The following CYP7B1 variants were observed in gnomAD, a reference collection of about 807,000 sequenced individuals.
CYP7B1 encodes cytochrome P450 family 7 subfamily B member 1.
CYP7B1 carries 29 observed loss-of-function variants against 42.7 expected under a neutral mutation model. That is an observed-to-expected ratio of 0.68 (90% CI 0.51 to 0.93). The LOEUF (loss-of-function observed/expected upper bound fraction) is 0.93, where lower values mean the gene tolerates loss of function less well. Among genes scored for constraint, CYP7B1 ranks in the 40% least tolerant of loss-of-function variants. CYP7B1 has a pLI of 0.00. For missense variants in CYP7B1, 655 were observed against 600.5 expected (o/e 1.09, Z -0.95); for synonymous variants, 235 against 218.2 (o/e 1.08, Z -0.68).
chr8:64,649,025 A>T (rs1805996555), intron 1 of CYP7B1, among the ~76,000 whole-genome samples: 1 of 152,226 alleles, frequency 6.6e-6, no homozygotes, highest in Non-Finnish European at 1.5e-5. Flanking sequence ...CAACCATTTT[A>T]AGTGTACAGT....
chr8:64,762,208 TA>T (rs1230841663), intron 1 of CYP7B1, among the ~76,000 whole-genome samples: 1 of 152,182 alleles, frequency 6.6e-6, no homozygotes. Flanking sequence ...TTATGTTAGG[TA>T]AAATGATTAT....
chr8:64,675,120 C>A (rs1806425779), intron 1 of CYP7B1, among the ~76,000 whole-genome samples: 1 of 152,036 alleles, frequency 6.6e-6, no homozygotes, highest in South Asian at 2.1e-4. Flanking sequence ...ATACACTTGG[C>A]CCTCCTGATA....
chr8:64,765,895 C>A (rs1807965597), intron 1 of CYP7B1, among the ~76,000 whole-genome samples: 1 of 152,156 alleles, frequency 6.6e-6, no homozygotes, highest in Admixed American at 6.5e-5. Flanking sequence ...TATCAGATAA[C>A]CCTGATGGCT....
chr8:64,666,944 C>CA (rs1337590858), intron 1 of CYP7B1, among the ~76,000 whole-genome samples: 1 of 152,192 alleles, frequency 6.6e-6, no homozygotes, highest in Non-Finnish European at 1.5e-5. Context: ...AATGTCTTTA[C>CA]AACTCTACAG....
intron 1 of CYP7B1, among the ~76,000 whole-genome samples, chr8:64,716,191 G>T (rs1161768589): frequency 2.0e-5 from 3 of 152,004 alleles, no homozygotes; most frequent in Non-Finnish European, 4.4e-5. Context: ...TTTAGAAGTG[G>T]TTGCTTAAGT....
intron 1 of CYP7B1, among the ~76,000 whole-genome samples, chr8:64,740,910 T>A (rs1807558071): frequency 6.6e-6 from 1 of 152,058 alleles, no homozygotes; most frequent in South Asian, 2.1e-4. Flanking sequence ...AAATGGCAAA[T>A]TTTTTCAATC....
chr8:64,592,822 A>C lies in CYP7B1; in HGVS notation c.*3820T>G, dbSNP rs1030297381. On this transcript the variant is annotated 3_prime_UTR_variant, in exon 6 of 6. Transcript: ENST00000310193. ...GAAGCTCTGAGACGGAAATTGTTTAATAATAAGCCAGTTATGTCACAGCCA... is the reference window on the plus strand; with the variant it reads ...GAAGCTCTGAGACGGAAATTGTTTACTAATAAGCCAGTTATGTCACAGCCA... Among the ~76,000 whole-genome samples the C allele has an allele frequency of 1.3e-5, 2 of 152,250 alleles. No individual in the cohort carries two copies. Among genetic ancestry groups the C allele is most frequent in the African/African-American group, 2.4e-5 (1 of 41,466 alleles).
intron 1 of CYP7B1, among the ~76,000 whole-genome samples, chr8:64,789,015 G>C (rs1169661310): frequency 6.6e-6 from 1 of 152,078 alleles, no homozygotes; most frequent in African/African-American, 2.4e-5. Context: ...CTGCCTCCTG[G>C]GTTCAAATGA....
chr8:64,694,370 C>T (rs1806792308), intron 1 of CYP7B1, among the ~76,000 whole-genome samples: 1 of 152,180 alleles, frequency 6.6e-6, no homozygotes, highest in South Asian at 2.1e-4. Flanking sequence ...TTTACCTCCA[C>T]TCTATGTTCA....
chr8:64,614,962 G>A (rs932223462), intron 4 of CYP7B1, 64 bp downstream of exon 4: 6 of 1,515,588 alleles, frequency 4.0e-6, no homozygotes, highest in Non-Finnish European at 3.7e-6. Flanking sequence ...AAACAGCTAT[G>A]AGTGATAAAC....
intron 1 of CYP7B1, among the ~76,000 whole-genome samples, chr8:64,631,084 G>A (rs1805688576): frequency 6.6e-6 from 1 of 152,068 alleles, no homozygotes; most frequent in Non-Finnish European, 1.5e-5. Flanking sequence ...CATTCCATGA[G>A]GCCAGCATTA....
At chr8:64,707,180 C>T (rs1807012204) in intron 1 of CYP7B1, among the ~76,000 whole-genome samples, 1 of 151,966 alleles carries the variant, frequency 6.6e-6, no homozygotes, top group Non-Finnish European at 1.5e-5. Context: ...ATACTTTCAT[C>T]CTTAATGGAG....
rs542624619 is a variant in CYP7B1 at position 64,659,883 on chromosome 8, GT to G, written c.123-35345del. On this transcript the variant is annotated intron_variant, in intron 1 of 5. Coordinates refer to ENST00000310193, the MANE Select transcript of CYP7B1 (RefSeq NM_004820.5). ...TTGTAAGAGATGTACAGGCTTGGTG[GT>G]TATCAGTGCAGAGGTGGGAATTAAC... 1.2e-4 allele frequency among the ~76,000 whole-genome samples: 18 copies of G among 152,270 alleles called. No individual in the cohort carries two copies. The South Asian group carries it at 3.7e-3, about 32-fold the overall frequency.
In CYP7B1 at chr8:64,621,964, C is replaced by T. The variant is rs980358556; in HGVS notation, c.259+2439G>A. ...TTCACCATGCTGGCCAGGATGGTCTCGAATTCCTACCTCGTGATCCACCCG... is the reference window on the plus strand; with the variant it reads ...TTCACCATGCTGGCCAGGATGGTCTTGAATTCCTACCTCGTGATCCACCCG... On this transcript the variant is annotated intron_variant, in intron 2 of 5. Transcript: ENST00000310193. Among the ~76,000 whole-genome samples, 6 of 151,062 alleles carry T rather than the reference C, an allele frequency of 4.0e-5. No individual in the cohort carries two copies. The South Asian group carries it at 1.0e-3, about 26-fold the overall frequency.
chr8:64,659,644 G>T (rs1806172003), intron 1 of CYP7B1, among the ~76,000 whole-genome samples: 1 of 152,030 alleles, frequency 6.6e-6, no homozygotes, highest in African/African-American at 2.4e-5. Context: ...TGTAATTTTT[G>T]ATATAAAACA....
intron 1 of CYP7B1, among the ~76,000 whole-genome samples, chr8:64,743,005 A>T (rs1006220312): frequency 6.6e-6 from 1 of 152,192 alleles, no homozygotes; most frequent in Non-Finnish European, 1.5e-5. Flanking sequence ...TTTGACTAAC[A>T]GGCAGCCAAG....
At chr8:64,736,845 T>C (rs1021001777) in intron 1 of CYP7B1, among the ~76,000 whole-genome samples, 1 of 152,158 alleles carries the variant, frequency 6.6e-6, no homozygotes, top group Admixed American at 6.6e-5. Context: ...TCAAATCTAA[T>C]CTAATTCTGT....
intron 1 of CYP7B1, among the ~76,000 whole-genome samples, chr8:64,754,742 G>A (rs993947191): frequency 1.3e-5 from 2 of 152,170 alleles, no homozygotes; most frequent in Non-Finnish European, 2.9e-5. Context: ...CCATGGTGAT[G>A]AAAAGCCCCT....
intron 1 of CYP7B1, among the ~76,000 whole-genome samples, chr8:64,680,907 A>G (rs1209513554): frequency 6.6e-6 from 1 of 152,122 alleles, no homozygotes; most frequent in African/African-American, 2.4e-5. Flanking sequence ...GCTGCACCAA[A>G]TACCACCCAG....
Sources: allele counts gnomAD v4.1 joint callset (sites outside exome capture counted in the v4.1 genomes callset), GRCh38; gene constraint gnomAD v4.1.1; transcripts MANE v1.5; gene names NCBI Gene and HGNC (gene_info 2026-07-23, HGNC 2026-07-21).